Variants in CRPPA observed in about 807,000 individuals in gnomAD.
CRPPA encodes D-ribitol-5-phosphate cytidylyltransferase.
A neutral mutation model predicts 52.0 loss-of-function variants in CRPPA; 43 were observed. The ratio of observed to expected loss-of-function variants is 0.83; its 90% CI spans 0.65 to 1.07. CRPPA has a LOEUF of 1.07. Among genes scored for constraint, CRPPA ranks in the 50% least tolerant of loss-of-function variants. The pLI is 0.00. For missense variants in CRPPA, 629 were observed against 551.7 expected (o/e 1.14, Z -1.40); for synonymous variants, 250 against 203.5 (o/e 1.23, Z -1.94).
rs755131320 is a variant in CRPPA, at chr7:16,406,047, G to T, written c.534+14C>A. On this transcript the variant is annotated intron_variant, in intron 2 of 9. Coordinates refer to ENST00000407010, the MANE Select transcript of CRPPA (RefSeq NM_001101426.4). ...GCTTGTCCCTTCTATCTAGACTCAA[G>T]AAAAAAGACTTACCCCGTGTTCCTT... 4 of 1,609,112 alleles carry T rather than the reference G, an allele frequency of 2.5e-6. No individual in the cohort carries two copies. Among genetic ancestry groups the T allele is most frequent in the Non-Finnish European group, 3.4e-6 (4 of 1,176,636 alleles).
intron 9 of CRPPA, among the ~76,000 whole-genome samples, chr7:16,097,399 T>C (rs768054277): frequency 2.0e-5 from 3 of 152,138 alleles, no homozygotes; most frequent in Admixed American, 6.6e-5. Context: ...GACTGAATTA[T>C]TTAGGATTAA....
At chr7:16,243,751 A>G (rs1454497822) in intron 8 of CRPPA, among the ~76,000 whole-genome samples, 1 of 152,132 alleles carries the variant, frequency 6.6e-6, no homozygotes, top group Non-Finnish European at 1.5e-5. Flanking sequence ...AGATTGCTTG[A>G]GCTCAGGAGT....
At chr7:16,212,454 C>T (rs1359977962) in intron 9 of CRPPA, among the ~76,000 whole-genome samples, 1 of 152,206 alleles carries the variant, frequency 6.6e-6, no homozygotes, top group African/African-American at 2.4e-5. Flanking sequence ...CTAACTCCCC[C>T]ACTGTCTTCC....
chr7:16,089,475 A>G lies in CRPPA; in HGVS notation c.*2220T>C, dbSNP rs551192977. On this transcript the variant is annotated 3_prime_UTR_variant, in exon 10 of 10. Transcript: ENST00000407010. ...TACATATATGTGTATATATGTACGT[A>G]CATATATACGGGTATATATGTACGT... 52 of 319,668 alleles carry G rather than the reference A, an allele frequency of 1.6e-4. No homozygotes were observed. Among genetic ancestry groups the G allele is most frequent in the Admixed American group, 3.1e-4 (11 of 35,738 alleles). 19.8% of individuals were successfully genotyped at this position (319,668 alleles called of 1,614,324 possible). A position where few individuals can be genotyped will look rare whatever the true frequency, so the allele number is the denominator to read the frequency against.
At chr7:16,149,036 T>C (rs549625246) in intron 9 of CRPPA, among the ~76,000 whole-genome samples, 68 of 152,324 alleles carry the variant, frequency 4.5e-4, no homozygotes, top group Non-Finnish European at 7.5e-4. Flanking sequence ...TGTATTTTCA[T>C]TGAATTTATT....
At chr7:16,287,135 C>T (rs1784467983) in intron 5 of CRPPA, among the ~76,000 whole-genome samples, 1 of 152,082 alleles carries the variant, frequency 6.6e-6, no homozygotes, top group African/African-American at 2.4e-5. Context: ...TTATTTTCCC[C>T]ATTTTATAGA....
At chr7:16,295,118 C>CA (rs1298907701) in intron 5 of CRPPA, among the ~76,000 whole-genome samples, 4 of 151,984 alleles carry the variant, frequency 2.6e-5, no homozygotes, top group Non-Finnish European at 5.9e-5. Context: ...TAGCTACTTT[C>CA]AATGTATAAA....
Position 16,375,976 on chromosome 7 carries a change from T to C in CRPPA, c.684+116A>G, listed in dbSNP as rs1281979030. Reference sequence around the variant, plus strand: ...CTTAATACTTCATTGTAATAAGTCTTAGCCTTGAGTATAACTATACGCTCA... The same window carrying C: ...CTTAATACTTCATTGTAATAAGTCTCAGCCTTGAGTATAACTATACGCTCA... On this transcript the variant is annotated intron_variant, in intron 3 of 9. Coordinates refer to ENST00000407010, the MANE Select transcript of CRPPA (RefSeq NM_001101426.4). 5.6e-5 allele frequency: 55 copies of C among 977,988 alleles called. 1 individual carries two copies. The East Asian group carries it at 1.4e-3, about 25-fold the overall frequency. The allele number at this position is 977,988 out of a possible 1,614,324, so 60.6% of individuals were successfully genotyped here.
At chr7:16,146,420 T>C (rs1251752012) in intron 9 of CRPPA, among the ~76,000 whole-genome samples, 1 of 151,986 alleles carries the variant, frequency 6.6e-6, no homozygotes, top group Non-Finnish European at 1.5e-5. Context: ...GTTAGCAAGA[T>C]AAAAACAAAT....
chr7:16,368,630 T>C (rs1403396931), intron 3 of CRPPA, among the ~76,000 whole-genome samples: 3 of 152,250 alleles, frequency 2.0e-5, no homozygotes, highest in Admixed American at 6.5e-5. Context: ...TACAACTTTA[T>C]ATATTAGTTT....
intron 9 of CRPPA, among the ~76,000 whole-genome samples, chr7:16,114,445 G>A (rs540646930): frequency 5.3e-5 from 8 of 152,118 alleles, no homozygotes; most frequent in African/African-American, 1.7e-4. Flanking sequence ...ATAAATGTTT[G>A]TGTGGCAACT....
intron 8 of CRPPA, among the ~76,000 whole-genome samples, chr7:16,248,815 G>C (rs572704049): frequency 2.6e-5 from 4 of 152,256 alleles, no homozygotes; most frequent in African/African-American, 9.6e-5. Context: ...CTAGCCAAGG[G>C]AAGCCATGAC....
At position 16,257,673 on chromosome 7, in the gene CRPPA, G is replaced by A. The variant is rs368714100; in HGVS notation, c.1119+717C>T. On this transcript the variant is annotated intron_variant, in intron 8 of 9. Transcript: ENST00000407010. The stretch of plus-strand genomic sequence containing the variant: ...GATGGGCCTGAGCTTTAGGAACTTC[G>A]AAGCTGCTAGGCACTTCTGAGAATT... Among the ~76,000 whole-genome samples the A allele has an allele frequency of 5.3e-5, 8 of 152,100 alleles. No homozygotes were observed. The East Asian group carries it at 9.7e-4, about 18-fold the overall frequency.
chr7:16,268,995 C>T (rs1432274000), intron 6 of CRPPA: 1 of 152,144 alleles, frequency 6.6e-6, no homozygotes, highest in East Asian at 1.9e-4. Flanking sequence ...GTTCGAACTT[C>T]TTGAGTTTTG....
At chr7:16,192,332 C>G (rs1361256773) in intron 9 of CRPPA, among the ~76,000 whole-genome samples, 1 of 151,954 alleles carries the variant, frequency 6.6e-6, no homozygotes, top group African/African-American at 2.4e-5. Flanking sequence ...TCTGAGGCAG[C>G]CTAAGTTGTA....
intron 8 of CRPPA, among the ~76,000 whole-genome samples, chr7:16,240,390 G>C (rs1294196029): frequency 6.6e-6 from 1 of 151,804 alleles, no homozygotes; most frequent in Non-Finnish European, 1.5e-5. Context: ...AACTATGAAA[G>C]AGAAAATTTT....
At chr7:16,180,266 C>T (rs1781383279) in intron 9 of CRPPA, among the ~76,000 whole-genome samples, 1 of 151,902 alleles carries the variant, frequency 6.6e-6, no homozygotes, top group Non-Finnish European at 1.5e-5. Flanking sequence ...GTTAAAAGCC[C>T]TTTTGGTAAT....
intron 2 of CRPPA, among the ~76,000 whole-genome samples, chr7:16,397,049 G>A (rs1327598614): frequency 6.6e-6 from 1 of 152,198 alleles, no homozygotes; most frequent in African/African-American, 2.4e-5. Flanking sequence ...TAACACATGT[G>A]ACACATGGGA....
At chr7:16,166,276 C>T (rs552485881) in intron 9 of CRPPA, among the ~76,000 whole-genome samples, 3 of 151,076 alleles carry the variant, frequency 2.0e-5, no homozygotes, top group South Asian at 2.1e-4. Flanking sequence ...ACTACTGGTA[C>T]AGCCTAAACT....
Sources: allele counts gnomAD v4.1 joint callset (sites outside exome capture counted in the v4.1 genomes callset), GRCh38; gene constraint gnomAD v4.1.1; transcripts MANE v1.5; gene names NCBI Gene and HGNC (gene_info 2026-07-23, HGNC 2026-07-21).